Variants in PFKFB3 observed in about 807,000 individuals in gnomAD.
The protein encoded by PFKFB3 is 6-phosphofructo-2-kinase/fructose-2,6-bisphosphatase 3.
A neutral mutation model predicts 68.0 loss-of-function variants in PFKFB3; 33 were observed. The observed-to-expected ratio is 0.49, with a 90% CI of 0.37 to 0.65. The LOEUF is 0.65. Ranked by LOEUF, PFKFB3 falls within the 30% of genes least tolerant of loss-of-function variation. PFKFB3 has a pLI of 0.00. For missense variants in PFKFB3, 586 were observed against 712.2 expected (o/e 0.82, Z 2.02); for synonymous variants, 315 against 288.2 (o/e 1.09, Z -0.94).
At chr10:6,164,113 G>C (rs557961529) in intron 1 of PFKFB3, 15 of 152,368 alleles carry the variant, frequency 9.8e-5, no homozygotes, top group African/African-American at 3.6e-4. Flanking sequence ...ACTCTGCGGG[G>C]CGGCCCGGGC....
chr10:6,280,160 C>T, the PFKFB3 span, among the ~76,000 whole-genome samples: 1 of 152,222 alleles, frequency 6.6e-6, no homozygotes, highest in Non-Finnish European at 1.5e-5. Flanking sequence ...CCAGTGCTGG[C>T]GTCTCTTCCT....
chr10:6,173,388 T>G (rs978515703), intron 1 of PFKFB3, among the ~76,000 whole-genome samples: 4 of 152,192 alleles, frequency 2.6e-5, no homozygotes, highest in Non-Finnish European at 5.9e-5. Context: ...TGTGTGCAGC[T>G]TTTATGTGTC....
chr10:6,224,308 A>C, intron 13 of PFKFB3, 95 bp downstream of exon 13: 1 of 1,237,296 alleles, frequency 8.1e-7, no homozygotes, highest in Non-Finnish European at 1.2e-6. Context: ...GCTTGCCTGC[A>C]GGTGCTGGCC....
intron 1 of PFKFB3, among the ~76,000 whole-genome samples, chr10:6,173,153 C>G (rs1168327315): frequency 1.3e-5 from 2 of 152,180 alleles, no homozygotes; most frequent in Admixed American, 1.3e-4. Flanking sequence ...CACCTCACAC[C>G]CTTCCTCCAG....
rs984261957 is a variant in PFKFB3, at chr10:6,228,731, C to T, written c.1515+2366C>T. The stretch of plus-strand genomic sequence containing the variant: ...GCCTGAGCTCTGAGCCTCTCCCTCC[C>T]CATGAGGACCCCCCACACCCCAAAA... On this transcript the variant is annotated intron_variant, in intron 14 of 14. Transcript: ENST00000379775. The surrounding 1 kb of genome is among the most constrained non-coding windows in gnomAD (Gnocchi z 4.5). 2.6e-5 allele frequency among the ~76,000 whole-genome samples: 4 copies of T among 152,164 alleles called. No individual in the cohort carries two copies. The highest frequency in any genetic ancestry group is 1.3e-4 in the Admixed American group (2 of 15,280).
At chr10:6,292,889 A>G in the PFKFB3 span, among the ~76,000 whole-genome samples, 1 of 152,314 alleles carries the variant, frequency 6.6e-6, no homozygotes, top group East Asian at 1.9e-4. Flanking sequence ...TTTCACCTCT[A>G]TAAAACCAGG....
At chr10:6,261,671 C>T in the PFKFB3 span, among the ~76,000 whole-genome samples, 1 of 151,818 alleles carries the variant, frequency 6.6e-6, no homozygotes, top group Non-Finnish European at 1.5e-5. Context: ...CCAGCCTGGC[C>T]AACATGGTAA....
rs1588499199 is a variant in PFKFB3, at chr10:6,215,431, A to C, written c.299+114A>C. 9 of 775,228 alleles carry C rather than the reference A, an allele frequency of 1.2e-5. No homozygotes were observed. In the East Asian group the frequency reaches 2.5e-4, roughly 22 times the overall value. The allele number at this position is 775,228 out of a possible 1,614,324, so 48.0% of individuals were successfully genotyped here. A position where few individuals can be genotyped will look rare whatever the true frequency, so the allele number is the denominator to read the frequency against. ...CGCGGGCGTAGGGCTGGGCTGTGGG[A>C]ATAAGGCTGGGCTGCGGGGCTGCGG... On this transcript the variant is annotated intron_variant, in intron 3 of 14. Transcript: ENST00000379775. The surrounding 1 kb of genome is among the most constrained non-coding windows in gnomAD (Gnocchi z 4.3).
downstream of PFKFB3, among the ~76,000 whole-genome samples, chr10:6,257,708 G>A (rs1846505251): frequency 6.6e-6 from 1 of 152,210 alleles, no homozygotes; most frequent in Non-Finnish European, 1.5e-5. Context: ...CACACCCTGC[G>A]ATGAGGGTTT....
At chr10:6,200,035 CCAACA>C (rs910237210), upstream of PFKFB3, among the ~76,000 whole-genome samples, 5 of 113,340 alleles carry the variant, frequency 4.4e-5, no homozygotes, top group African/African-American at 1.4e-4. Context: ...CAAAAACAAA[CCAACA>C]AAACCAACAA....
chr10:6,296,256 T>C, the PFKFB3 span, among the ~76,000 whole-genome samples: 1 of 152,016 alleles, frequency 6.6e-6, no homozygotes, highest in Admixed American at 6.6e-5. Flanking sequence ...GTTTGTAGAC[T>C]GAGATGTGTA....
At chr10:6,205,405 T>TTC (rs1469496871) in intron 1 of PFKFB3, among the ~76,000 whole-genome samples, 3 of 128,594 alleles carry the variant, frequency 2.3e-5, no homozygotes, top group Non-Finnish European at 5.0e-5. Flanking sequence ...TTTTTTTTTT[T>TTC]TTTTTGACAT....
upstream of PFKFB3, among the ~76,000 whole-genome samples, chr10:6,200,661 GGGGGGGGGGGGGGGC>G (rs1428321746): frequency 2.9e-3 from 5 of 1,750 alleles, 1 homozygote; most frequent in Non-Finnish European, 7.0e-3. Flanking sequence ...GTAAGGAGCG[GGGGGGGGGGGGGGGC>G]GGGGGGTGGT....
At chr10:6,153,657 C>T (rs1333042801) in intron 1 of PFKFB3, among the ~76,000 whole-genome samples, 1 of 152,112 alleles carries the variant, frequency 6.6e-6, no homozygotes, top group Non-Finnish European at 1.5e-5. Flanking sequence ...AGTTCGAGAC[C>T]AGCCTGTACA....
At chr10:6,322,686 G>A in the PFKFB3 span, among the ~76,000 whole-genome samples, 3,894 of 152,258 alleles carry the variant, frequency 0.026, 85 homozygotes, top group Non-Finnish European at 0.041. Flanking sequence ...GAACCTCAAG[G>A]TCTTTAATGG....
At chr10:6,194,463 G>C (rs992082846) in intron 1 of PFKFB3, among the ~76,000 whole-genome samples, 1 of 152,216 alleles carries the variant, frequency 6.6e-6, no homozygotes, top group Non-Finnish European at 1.5e-5. Flanking sequence ...TCAATGGGAC[G>C]TGACAGCTGC....
intron 11 of PFKFB3, among the ~76,000 whole-genome samples, chr10:6,223,560 G>T (rs1417655805): frequency 1.3e-5 from 2 of 152,168 alleles, no homozygotes; most frequent in Non-Finnish European, 2.9e-5. Context: ...TGCCCGACAG[G>T]GCTTCCGAGG....
chr10:6,289,681 G>A, the PFKFB3 span, among the ~76,000 whole-genome samples: 7 of 152,140 alleles, frequency 4.6e-5, no homozygotes, highest in Admixed American at 1.3e-4. Flanking sequence ...TTGACTTGGC[G>A]ATGCGGGCTC....
intron 1 of PFKFB3, chr10:6,149,596 A>AAC (rs1461765051): frequency 6.6e-6 from 1 of 151,616 alleles, no homozygotes; most frequent in East Asian, 1.9e-4. Flanking sequence ...CAAAAAAAAA[A>AAC]AAAAAAGATA....
Sources: gnomAD v4.1 joint callset for allele counts (sites outside exome capture counted in the v4.1 genomes callset) on GRCh38, gnomAD v4.1.1 for gene constraint, Gnocchi (gnomAD v3.1) non-coding constraint, MANE v1.5 for transcripts, NCBI Gene and HGNC (gene_info 2026-07-23, HGNC 2026-07-21) for gene names.